CEP128: variants seen among roughly 807,000 people sequenced by gnomAD.
The protein encoded by CEP128 is centrosomal protein 128kDa.
In CEP128, 132 loss-of-function variants were observed where a neutral mutation model predicts 156.7. The ratio of observed to expected loss-of-function variants is 0.84; its 90% confidence interval spans 0.73 to 0.97. CEP128 has a LOEUF of 0.97. Ranked by LOEUF, CEP128 falls within the 50% of genes least tolerant of loss-of-function variation. The pLI is 0.00. For missense variants in CEP128, 1,252 were observed against 1,281.9 expected (o/e 0.98, Z 0.36); for synonymous variants, 469 against 448.9 (o/e 1.04, Z -0.57).
At chr14:80,487,514 C>A (rs1476378064), downstream of CEP128, among the ~76,000 whole-genome samples, 2 of 152,164 alleles carry the variant, frequency 1.3e-5, no homozygotes, top group Non-Finnish European at 2.9e-5. Context: ...CTCAGCTCTG[C>A]ACCAAGTGGA....
chr14:80,806,227 G>A (rs143961034), intron 13 of CEP128, among the ~76,000 whole-genome samples: 1 of 152,134 alleles, frequency 6.6e-6, no homozygotes, highest in East Asian at 1.9e-4. Context: ...CCTACGAGAG[G>A]CTTCATACAA....
intron 19 of CEP128, among the ~76,000 whole-genome samples, chr14:80,643,643 A>G (rs977794369): frequency 6.6e-6 from 1 of 152,006 alleles, no homozygotes; most frequent in Non-Finnish European, 1.5e-5. Context: ...CTGGGAAGCG[A>G]AGGTTACAGT....
chr14:80,803,006 C>T (rs755599064), intron 13 of CEP128, among the ~76,000 whole-genome samples: 3 of 152,180 alleles, frequency 2.0e-5, no homozygotes, highest in South Asian at 2.1e-4. Context: ...AAGGAAAGAA[C>T]GCATTTGTCA....
chr14:80,757,272 A>T (rs1899714304), intron 17 of CEP128, among the ~76,000 whole-genome samples: 1 of 152,130 alleles, frequency 6.6e-6, no homozygotes, highest in African/African-American at 2.4e-5. Flanking sequence ...AAGTCAGTTT[A>T]TTTCATTTCT....
At chr14:80,820,300 T>A (rs926265311) in intron 13 of CEP128, among the ~76,000 whole-genome samples, 7 of 152,366 alleles carry the variant, frequency 4.6e-5, no homozygotes, top group African/African-American at 1.7e-4. Context: ...GTTAGTTTGA[T>A]TGAATGCTAG....
intron 8 of CEP128, chr14:80,894,812 T>A: frequency 3.4e-6 from 1 of 293,970 alleles, no homozygotes; most frequent in Non-Finnish European, 6.6e-6. Context: ...TAGTTGATCT[T>A]TTTATCTCCT....
Position 80,497,447 on chromosome 14 carries a change from C to T in CEP128, c.*32G>A, listed in dbSNP as rs761331416. The stretch of plus-strand genomic sequence containing the variant: ...TAGAGATGTTATTATTTGTAACATA[C>T]TCATGTAAAATAACAAATTACATTT... On this transcript the variant is annotated 3_prime_UTR_variant, in exon 25 of 25. Transcript: ENST00000555265. The T allele has an allele frequency of 5.8e-6, 8 of 1,377,762 alleles. No individual in the cohort carries two copies. In the South Asian group the frequency reaches 8.3e-5, roughly 14 times the overall value. 85.3% of individuals were successfully genotyped at this position (1,377,762 alleles called of 1,614,324 possible).
rs140962771 is a variant in CEP128 at position 80,651,398 on chromosome 14, T to C, written c.2807-70975A>G. Among the ~76,000 whole-genome samples the C allele has an allele frequency of 4.8e-4, 73 of 152,306 alleles. 1 individual carries two copies. The East Asian group carries it at 0.012, about 26-fold the overall frequency. ...GGATTCACTGATTTTTTGAAGAGTT[T>C]TCCATGTCTCTATCTCCTTCAGTTC... On this transcript the variant is annotated intron_variant, in intron 19 of 24. Coordinates refer to ENST00000555265, the MANE Select transcript of CEP128 (RefSeq NM_152446.5).
intron 2 of CEP128, among the ~76,000 whole-genome samples, chr14:80,927,749 C>T (rs951532683): frequency 2.0e-5 from 3 of 152,216 alleles, no homozygotes; most frequent in Non-Finnish European, 4.4e-5. Context: ...TGGGATACTG[C>T]ATTTACCCAA....
At chr14:80,880,693 A>T (rs1033041539) in intron 8 of CEP128, among the ~76,000 whole-genome samples, 1 of 36,736 alleles carries the variant, frequency 2.7e-5, no homozygotes, top group East Asian at 3.6e-4. Context: ...CCTCTCTACT[A>T]AAAAAAAAAA....
intron 21 of CEP128, among the ~76,000 whole-genome samples, chr14:80,534,581 T>C (rs1889390371): frequency 6.6e-6 from 1 of 152,110 alleles, no homozygotes; most frequent in Admixed American, 6.5e-5. Flanking sequence ...ATCCCAACAC[T>C]TTGGGAGTCC....
At chr14:80,685,766 G>T (rs1595215768) in intron 19 of CEP128, among the ~76,000 whole-genome samples, 1 of 151,878 alleles carries the variant, frequency 6.6e-6, no homozygotes, top group South Asian at 2.1e-4. Flanking sequence ...CCAGACACAT[G>T]GAACAATAGA....
At chr14:80,576,822 A>G (rs1891381942) in intron 20 of CEP128, among the ~76,000 whole-genome samples, 1 of 152,176 alleles carries the variant, frequency 6.6e-6, no homozygotes. Context: ...AGAGACCAGT[A>G]GGGTGGCATT....
chr14:80,740,936 A>G (rs1259148465), intron 19 of CEP128, among the ~76,000 whole-genome samples: 2 of 152,144 alleles, frequency 1.3e-5, no homozygotes, highest in East Asian at 3.9e-4. Context: ...CCCACCTAAT[A>G]AAACAAATCC....
At chr14:80,591,390 C>G (rs183336392) in intron 19 of CEP128, among the ~76,000 whole-genome samples, 158 of 151,610 alleles carry the variant, frequency 1.0e-3, no homozygotes, top group African/African-American at 3.8e-3. Context: ...TTTAAACCAA[C>G]AAAGATCAAA....
chr14:80,529,793 CTTGGTTTTG>C (rs1235475680), intron 22 of CEP128, among the ~76,000 whole-genome samples: 9 of 152,180 alleles, frequency 5.9e-5, no homozygotes, highest in African/African-American at 2.2e-4. Flanking sequence ...AAATCAAACA[CTTGGTTTTG>C]TTCAATTTGG....
intron 2 of CEP128, among the ~76,000 whole-genome samples, chr14:80,949,581 G>C (rs989333678): frequency 6.6e-6 from 1 of 152,116 alleles, no homozygotes; most frequent in South Asian, 2.1e-4. Flanking sequence ...TGGAACACTG[G>C]CTAGAGTAAT....
chr14:80,599,545 G>A (rs1333594990), intron 19 of CEP128, among the ~76,000 whole-genome samples: 1 of 151,822 alleles, frequency 6.6e-6, no homozygotes. Context: ...AAAGTGCTGG[G>A]ATTACAGGCA....
intron 11 of CEP128, among the ~76,000 whole-genome samples, chr14:80,837,653 T>C (rs1033378869): frequency 2.0e-5 from 3 of 152,124 alleles, no homozygotes; most frequent in Non-Finnish European, 4.4e-5. Flanking sequence ...GAGGCTGAGG[T>C]TGTGGTGAGC....
Sources: gnomAD v4.1 joint callset for allele counts (sites outside exome capture counted in the v4.1 genomes callset) on GRCh38, gnomAD v4.1.1 for gene constraint, MANE v1.5 for transcripts, NCBI Gene and HGNC (gene_info 2026-07-23, HGNC 2026-07-21) for gene names.